Variants in CAMK1D observed in about 807,000 individuals in gnomAD.
CAMK1D encodes calcium/calmodulin-dependent protein kinase type 1D.
CAMK1D carries 9 observed loss-of-function variants against 47.7 expected under a neutral mutation model. The observed-to-expected ratio is 0.19, with a 90% CI of 0.11 to 0.33. CAMK1D has a LOEUF of 0.33. CAMK1D is among the 10% of genes least tolerant of loss of function. CAMK1D has a pLI of 1.00. For synonymous variants in CAMK1D, 184 were observed against 184.9 expected, an observed-to-expected ratio of 0.99 and a Z score of 0.04; for missense variants, 291 against 488.7, an observed-to-expected ratio of 0.60 and a Z score of 3.81.
intron 2 of CAMK1D, among the ~76,000 whole-genome samples, chr10:12,627,351 C>T (rs1839250387): frequency 6.6e-6 from 1 of 152,086 alleles, no homozygotes; most frequent in African/African-American, 2.4e-5. Flanking sequence ...TCCCAAAGTG[C>T]TGGGATTACA....
At chr10:12,766,433 G>A (rs1360481187) in intron 4 of CAMK1D, among the ~76,000 whole-genome samples, 2 of 148,698 alleles carry the variant, frequency 1.3e-5, no homozygotes, top group Admixed American at 1.4e-4. Context: ...CGTACACGTG[G>A]CTGACAAAGA....
rs147765975 is a variant in CAMK1D at position 12,734,196 on chromosome 10, C to T, written c.300-26752C>T. ...TACAAAAAAAGTAGCCTGGTGCATG[C>T]CTGTAGTCCCAGCTACTCAAAAGGC... On this transcript the variant is annotated intron_variant, in intron 3 of 10. Coordinates refer to ENST00000619168, the MANE Select transcript of CAMK1D (RefSeq NM_153498.4). Among the ~76,000 whole-genome samples, 1,113 of 150,232 alleles carry T rather than the reference C, an allele frequency of 7.4e-3. 20 individuals are homozygous for T. The highest frequency in any genetic ancestry group is 0.026 in the African/African-American group (1,057 of 40,776).
intron 5 of CAMK1D, among the ~76,000 whole-genome samples, chr10:12,783,757 G>A (rs989652087): frequency 1.3e-5 from 2 of 152,104 alleles, no homozygotes; most frequent in African/African-American, 2.4e-5. Context: ...GAAGTCTCTC[G>A]AGTCTTTCCG....
chr10:12,669,525 A>G (rs1337966013), intron 3 of CAMK1D, among the ~76,000 whole-genome samples: 1 of 152,206 alleles, frequency 6.6e-6, no homozygotes, highest in Non-Finnish European at 1.5e-5. Flanking sequence ...CATTATACCA[A>G]TCAACTTTAT....
chr10:12,502,887 G>A (rs1834748335), intron 1 of CAMK1D, among the ~76,000 whole-genome samples: 2 of 152,236 alleles, frequency 1.3e-5, no homozygotes, highest in Admixed American at 1.3e-4. Context: ...CTTCACTGCA[G>A]GGTGCAGTTC....
intron 5 of CAMK1D, 88 bp from the exon 6 acceptor site, chr10:12,791,070 G>C (rs1837958095): frequency 8.4e-7 from 1 of 1,189,646 alleles, no homozygotes. Flanking sequence ...CTCACTGAAA[G>C]TTCAGGCCAA....
At chr10:12,618,579 T>C (rs1838895056) in intron 2 of CAMK1D, among the ~76,000 whole-genome samples, 2 of 152,204 alleles carry the variant, frequency 1.3e-5, no homozygotes, top group African/African-American at 4.8e-5. Context: ...GAAGAAAGCA[T>C]ACAGTTACTT....
At chr10:12,579,529 G>C (rs747012337) in intron 2 of CAMK1D, among the ~76,000 whole-genome samples, 12 of 152,144 alleles carry the variant, frequency 7.9e-5, no homozygotes, top group Non-Finnish European at 1.2e-4. Context: ...CTGTATTTGG[G>C]GGTCAGTCTG....
In CAMK1D at chr10:12,703,234, A is replaced by ACCT. The variant is rs145077244; in HGVS notation, c.299+36426_299+36428dup. The stretch of plus-strand genomic sequence containing the variant: ...ATGAGCAGCTTTGGTCAATACCATA[A>ACCT]CCTCAGTCTCTCCAGAATTTAACAC... On this transcript the variant is annotated intron_variant, in intron 3 of 10. Coordinates refer to ENST00000619168, the MANE Select transcript of CAMK1D (RefSeq NM_153498.4). Among the ~76,000 whole-genome samples the ACCT allele has an allele frequency of 5.4e-3, 828 of 152,310 alleles. 5 individuals are homozygous for ACCT. Among genetic ancestry groups the ACCT allele is most frequent in the African/African-American group, 0.018 (755 of 41,558 alleles).
At chr10:12,823,062 C>A (rs991117626) in intron 8 of CAMK1D, among the ~76,000 whole-genome samples, 1 of 152,170 alleles carries the variant, frequency 6.6e-6, no homozygotes, top group Non-Finnish European at 1.5e-5. Flanking sequence ...AATTTTATAT[C>A]GACTCTGTCC....
chr10:12,651,194 C>T (rs10906195), intron 2 of CAMK1D, among the ~76,000 whole-genome samples: 66,885 of 151,522 alleles, frequency 0.44, 15,255 homozygotes, highest in Non-Finnish European at 0.48. Context: ...TAAACAGTAA[C>T]GGCTTTGCGC....
chr10:12,419,515 A>G (rs1839974370), intron 1 of CAMK1D, among the ~76,000 whole-genome samples: 1 of 152,054 alleles, frequency 6.6e-6, no homozygotes, highest in Non-Finnish European at 1.5e-5. Context: ...CAGGGCACAT[A>G]TTAGACATGA....
intron 1 of CAMK1D, among the ~76,000 whole-genome samples, chr10:12,355,452 TTGTG>T (rs919582333): frequency 3.3e-5 from 5 of 151,912 alleles, no homozygotes; most frequent in African/African-American, 7.3e-5. Flanking sequence ...GTATATGTGT[TTGTG>T]TGTGCGTGTG....
intron 2 of CAMK1D, among the ~76,000 whole-genome samples, chr10:12,645,035 A>G (rs1588726554): frequency 6.6e-6 from 1 of 151,380 alleles, no homozygotes; most frequent in Non-Finnish European, 1.5e-5. Context: ...CTTTCTTAGC[A>G]TATCTCATCT....
intron 1 of CAMK1D, among the ~76,000 whole-genome samples, chr10:12,552,665 T>C (rs2478971): frequency 0.93 from 141,400 of 152,334 alleles, 66,048 homozygotes; most frequent in East Asian, 0.99. Flanking sequence ...GTGGCCTAAC[T>C]GTGTTGACCT....
At chr10:12,386,198 G>A (rs372071978) in intron 1 of CAMK1D, among the ~76,000 whole-genome samples, 1 of 152,324 alleles carries the variant, frequency 6.6e-6, no homozygotes. Flanking sequence ...CAGCACTTTG[G>A]TAGGCCAAGG....
chr10:12,580,685 G>A (rs996662247), intron 2 of CAMK1D, among the ~76,000 whole-genome samples: 2 of 152,200 alleles, frequency 1.3e-5, no homozygotes, highest in Non-Finnish European at 2.9e-5. Flanking sequence ...ATGGACCCCA[G>A]CCTAAGAAGA....
At chr10:12,508,682 G>T (rs1388301472) in intron 1 of CAMK1D, among the ~76,000 whole-genome samples, 2 of 152,104 alleles carry the variant, frequency 1.3e-5, no homozygotes, top group African/African-American at 4.8e-5. Flanking sequence ...TTTTAAAAAA[G>T]CAAACACATG....
In CAMK1D at chr10:12,813,943, A is replaced by ATTTT. The variant is rs113993296; in HGVS notation, c.642-239_642-236dup. 1.2e-4 allele frequency among the ~76,000 whole-genome samples: 15 copies of ATTTT among 125,470 alleles called. 1 individual carries two copies. In the East Asian group the frequency reaches 1.6e-3, roughly 14 times the overall value. 82.3% of individuals were successfully genotyped at this position (125,470 alleles called of 152,430 possible). ...ACCAGCCACCACACCATGTCAGCTGATTTTTTTTTTTTTTTTGCATTTTTT... is the reference window on the plus strand; with the variant it reads ...ACCAGCCACCACACCATGTCAGCTGATTTTTTTTTTTTTTTTTTTTGCATTTTTT... On this transcript the variant is annotated intron_variant, in intron 6 of 10. Transcript: ENST00000619168.
Sources: allele counts gnomAD v4.1 joint callset (sites outside exome capture counted in the v4.1 genomes callset), GRCh38; gene constraint gnomAD v4.1.1; transcripts MANE v1.5; gene names NCBI Gene and HGNC (gene_info 2026-07-23, HGNC 2026-07-21).